The following CREM variants were observed in gnomAD, a reference collection of about 807,000 sequenced individuals.
CREM encodes the protein cAMP responsive element modulator.
Under a neutral mutation model 37.3 loss-of-function variants are expected in CREM, and 13 were observed. That is an observed-to-expected ratio of 0.35 (90% CI 0.23 to 0.55). The LOEUF is 0.55. CREM is among the 20% of genes least tolerant of loss of function. The pLI is 0.88. For missense variants in CREM, 296 were observed against 362.3 expected (o/e 0.82, Z 1.49); for synonymous variants, 124 against 120.2 (o/e 1.03, Z -0.21).
intron 6 of CREM, among the ~76,000 whole-genome samples, chr10:35,204,201 A>G (rs188348294): frequency 6.6e-6 from 1 of 152,368 alleles, no homozygotes. Flanking sequence ...TCTCAAAGCT[A>G]TACAGTTTTG....
rs529009630 is a variant in CREM, at chr10:35,190,915, G to A, written c.598+2527G>A. 3.6e-4 allele frequency among the ~76,000 whole-genome samples: 55 copies of A among 152,150 alleles called. No homozygotes were observed. The East Asian group carries it at 9.5e-3, about 26-fold the overall frequency. ...CTGACCTCATGATCCGCCCACCTCA[G>A]CCTCCCGAAGTGCTGGGATTACAGG... On this transcript the variant is annotated intron_variant, in intron 6 of 7. Coordinates refer to ENST00000685392, the MANE Select transcript of CREM (RefSeq NM_183011.2).
intron 6 of CREM, among the ~76,000 whole-genome samples, chr10:35,200,702 G>A (rs1342405026): frequency 6.6e-6 from 1 of 152,116 alleles, no homozygotes; most frequent in African/African-American, 2.4e-5. Context: ...CCAGAGCTAG[G>A]GATAGAAGCC....
At chr10:35,138,526 ATTTTTTT>A (rs752036917) in intron 2 of CREM, among the ~76,000 whole-genome samples, 13 of 136,924 alleles carry the variant, frequency 9.5e-5, no homozygotes, top group Non-Finnish European at 1.4e-4. Flanking sequence ...AAATTTTAGA[ATTTTTTT>A]TTTTTTTTTT....
chr10:35,152,161 A>G (rs2092640917), intron 3 of CREM: 1 of 152,234 alleles, frequency 6.6e-6, no homozygotes, highest in African/African-American at 2.4e-5. Flanking sequence ...TGTTTATATG[A>G]TCAGATTATC....
chr10:35,175,932 A>T (rs1167329606), intron 3 of CREM: 1 of 1,551,630 alleles, frequency 6.4e-7, no homozygotes, highest in Non-Finnish European at 8.7e-7. Flanking sequence ...CAAACTATAC[A>T]TGTCCAGGGA....
At chr10:35,178,826 T>C (rs1462593398) in intron 3 of CREM, 63 bp from the exon 4 acceptor site, 7 of 1,383,500 alleles carry the variant, frequency 5.1e-6, no homozygotes, top group Non-Finnish European at 7.0e-6. Flanking sequence ...TTAGCCTCAA[T>C]TTTTTGAATG....
chr10:35,168,649 A>G (rs759498160), intron 3 of CREM, among the ~76,000 whole-genome samples: 68 of 152,138 alleles, frequency 4.5e-4, no homozygotes, highest in Non-Finnish European at 8.8e-4. Flanking sequence ...TGCTTTTTGT[A>G]TTTTAGACAT....
chr10:35,160,735 T>A (rs1177487548), intron 3 of CREM, among the ~76,000 whole-genome samples: 2 of 152,250 alleles, frequency 1.3e-5, no homozygotes, highest in Non-Finnish European at 2.9e-5. Context: ...CACAGCTGCA[T>A]AAAAATGTTT....
intron 1 of CREM, chr10:35,127,433 C>G (rs2088053801): frequency 6.6e-6 from 1 of 152,178 alleles, no homozygotes; most frequent in Admixed American, 6.5e-5. Context: ...CCGCCCCACG[C>G]CCGCTTCGTG....
At chr10:35,178,688 T>C (rs2133128568) in intron 3 of CREM, among the ~76,000 whole-genome samples, 1 of 152,356 alleles carries the variant, frequency 6.6e-6, no homozygotes, top group South Asian at 2.1e-4. Flanking sequence ...CACACACATT[T>C]GTTTTATAAC....
intron 5 of CREM, among the ~76,000 whole-genome samples, chr10:35,185,712 A>G (rs1255631011): frequency 6.6e-6 from 1 of 152,222 alleles, no homozygotes; most frequent in Non-Finnish European, 1.5e-5. Flanking sequence ...GTGTACAGAA[A>G]ATAACTGCTC....
At chr10:35,163,091 A>G (rs1030196032) in intron 3 of CREM, among the ~76,000 whole-genome samples, 12 of 152,036 alleles carry the variant, frequency 7.9e-5, no homozygotes, top group South Asian at 2.1e-4. Context: ...CTGTAGTGCT[A>G]TCTACTCAGG....
intron 3 of CREM, chr10:35,175,483 TTC>T: frequency 1.7e-6 from 1 of 573,986 alleles, no homozygotes; most frequent in Non-Finnish European, 3.1e-6. Flanking sequence ...TATCTCCAAT[TTC>T]TCTGAAGAAG....
chr10:35,151,735 G>A (rs1471077190), intron 3 of CREM, among the ~76,000 whole-genome samples: 2 of 152,142 alleles, frequency 1.3e-5, no homozygotes, highest in African/African-American at 4.8e-5. Context: ...TAGAAATATA[G>A]AGATTAAGAA....
At chr10:35,172,754 G>A (rs1241151906) in intron 3 of CREM, among the ~76,000 whole-genome samples, 2 of 152,276 alleles carry the variant, frequency 1.3e-5, no homozygotes, top group East Asian at 3.9e-4. Context: ...TTAAGGAAAA[G>A]CACGTGTGTT....
At chr10:35,200,344 T>C (rs1298807508) in intron 6 of CREM, among the ~76,000 whole-genome samples, 1 of 152,230 alleles carries the variant, frequency 6.6e-6, no homozygotes, top group African/African-American at 2.4e-5. Flanking sequence ...AAAGGTCCCT[T>C]ATGTATAACT....
At chr10:35,166,870 G>A (rs763364748) in intron 3 of CREM, among the ~76,000 whole-genome samples, 17 of 151,952 alleles carry the variant, frequency 1.1e-4, no homozygotes, top group Non-Finnish European at 2.1e-4. Flanking sequence ...GGCCGGGCAC[G>A]GTGGCTCACA....
intron 3 of CREM, among the ~76,000 whole-genome samples, chr10:35,171,868 C>A (rs2093836898): frequency 6.6e-6 from 1 of 152,138 alleles, no homozygotes; most frequent in South Asian, 2.1e-4. Context: ...AATGTAATAT[C>A]TTCAGAAATT....
At chr10:35,164,043 G>A (rs554191120) in intron 3 of CREM, among the ~76,000 whole-genome samples, 8 of 151,324 alleles carry the variant, frequency 5.3e-5, no homozygotes, top group African/African-American at 1.9e-4. Flanking sequence ...AATTTAGCTT[G>A]TTTACTTAAA....
Sources: gnomAD v4.1 joint callset for allele counts (sites outside exome capture counted in the v4.1 genomes callset) on GRCh38, gnomAD v4.1.1 for gene constraint, MANE v1.5 for transcripts, NCBI Gene and HGNC (gene_info 2026-07-23, HGNC 2026-07-21) for gene names.